Variants in ANXA10 observed in about 807,000 individuals in gnomAD.
ANXA10 encodes annexin 14.
In ANXA10, 49 loss-of-function variants were observed where a neutral mutation model predicts 53.5. The observed-to-expected ratio is 0.92, with a 90% CI of 0.73 to 1.16. The LOEUF (loss-of-function observed/expected upper bound fraction) is 1.16, where lower values mean the gene tolerates loss of function less well. Ranked by LOEUF, ANXA10 falls within the 50% of genes most tolerant of loss-of-function variation. The pLI, the probability that ANXA10 is intolerant of heterozygous loss-of-function variation, is 0.00. For missense variants in ANXA10, 393 were observed against 394.4 expected (o/e 1.00, Z 0.03); for synonymous variants, 131 against 128.9 (o/e 1.02, Z -0.11).
intron 1 of ANXA10, among the ~76,000 whole-genome samples, chr4:168,099,492 T>C (rs1486430613): frequency 6.6e-6 from 1 of 152,058 alleles, no homozygotes; most frequent in Non-Finnish European, 1.5e-5. Flanking sequence ...CCCTTCACAG[T>C]AGAAAAGGGT....
rs1232663755 is a variant in ANXA10 at position 168,181,720 on chromosome 4, T to C, written c.762T>C (p.Tyr254=). The change falls in exon 10 of 12, where the codon TAT becomes TAC. Residue 254 remains tyrosine, a synonymous_variant. Coordinates refer to ENST00000359299, the MANE Select transcript of ANXA10 (RefSeq NM_007193.5). The part of the protein sequence containing the change: ...CVRDKPAYFA[Y]RLYSAIHDFG... ...GAGACAAACCAGCCTATTTTGCTTA[T>C]AGATTATATAGTGCAATTCATGTAA... The C allele has an allele frequency of 7.5e-6, 12 of 1,600,008 alleles. No individual in the cohort carries two copies. Among genetic ancestry groups the C allele is most frequent in the Admixed American group, 1.7e-5 (1 of 59,970 alleles).
At chr4:168,180,343 T>C (rs1732216773) in intron 9 of ANXA10, among the ~76,000 whole-genome samples, 1 of 152,210 alleles carries the variant, frequency 6.6e-6, no homozygotes, top group Admixed American at 6.5e-5. Context: ...CCTCCAAGCC[T>C]ATCAGCTGAT....
chr4:168,117,235 C>A (rs1730908491), intron 1 of ANXA10, among the ~76,000 whole-genome samples: 2 of 152,010 alleles, frequency 1.3e-5, no homozygotes, highest in African/African-American at 4.8e-5. Context: ...AGAAAAAAAT[C>A]CTGTCTCAAA....
rs1730558006 is a variant in ANXA10 at position 168,096,926 on chromosome 4, A to ATATGTGTATATATATATATATATATATG, written c.18+4213_18+4214insGTATATATATATATATATATATGTATGT. 3.8e-5 allele frequency among the ~76,000 whole-genome samples: 5 copies of ATATGTGTATATATATATATATATATATG among 129,904 alleles called. No homozygotes were observed. The East Asian group carries it at 1.0e-3, about 27-fold the overall frequency. 85.2% of individuals were successfully genotyped at this position (129,904 alleles called of 152,430 possible). On this transcript the variant is annotated intron_variant, in intron 1 of 11. Transcript: ENST00000359299. Reference sequence around the variant, plus strand: ...AATACAAATGCATATATATATATATATATGTATGTATATGTATATACAATA... The same window carrying ATATGTGTATATATATATATATATATATG: ...AATACAAATGCATATATATATATATATATGTGTATATATATATATATATATATGTATGTATGTATATGTATATACAATA...
At chr4:168,126,883 T>TTA in intron 1 of ANXA10, among the ~76,000 whole-genome samples, 1 of 152,190 alleles carries the variant, frequency 6.6e-6, no homozygotes, top group Non-Finnish European at 1.5e-5. Flanking sequence ...GAATCCAAAC[T>TTA]GAATTCAATT....
At chr4:168,151,307 A>C (rs1242809336) in intron 3 of ANXA10, among the ~76,000 whole-genome samples, 1 of 152,226 alleles carries the variant, frequency 6.6e-6, no homozygotes, top group Non-Finnish European at 1.5e-5. Flanking sequence ...GAGCATATTC[A>C]GACAAGAAAG....
At chr4:168,169,079 T>A in intron 6 of ANXA10, among the ~76,000 whole-genome samples, 1 of 152,212 alleles carries the variant, frequency 6.6e-6, no homozygotes, top group Non-Finnish European at 1.5e-5. Context: ...AACTGAAGCG[T>A]CTGGTAAAAT....
At chr4:168,171,411 T>C (rs1019764148) in intron 6 of ANXA10, among the ~76,000 whole-genome samples, 4 of 152,150 alleles carry the variant, frequency 2.6e-5, no homozygotes, top group African/African-American at 9.6e-5. Context: ...AATTCTTTGG[T>C]TGTTATAATC....
intron 3 of ANXA10, among the ~76,000 whole-genome samples, chr4:168,141,192 C>T (rs2149472411): frequency 6.6e-6 from 1 of 152,290 alleles, no homozygotes; most frequent in Admixed American, 6.5e-5. Flanking sequence ...ATAATTCATA[C>T]CTCCTGGAAA....
intron 1 of ANXA10, among the ~76,000 whole-genome samples, chr4:168,116,727 G>A: frequency 6.6e-6 from 1 of 152,070 alleles, no homozygotes; most frequent in East Asian, 1.9e-4. Flanking sequence ...TGGAATAAAG[G>A]TAGTATTATA....
At chr4:168,171,978 G>T (rs1227149178) in intron 6 of ANXA10, among the ~76,000 whole-genome samples, 1 of 152,186 alleles carries the variant, frequency 6.6e-6, no homozygotes, top group Non-Finnish European at 1.5e-5. Context: ...CTCTGGGAGT[G>T]TTATGGCCAA....
intron 3 of ANXA10, among the ~76,000 whole-genome samples, chr4:168,147,420 G>C (rs1252937123): frequency 6.6e-6 from 1 of 152,176 alleles, no homozygotes; most frequent in Non-Finnish European, 1.5e-5. Context: ...GCTTTCCCTT[G>C]CCAGAGGCTC....
chr4:168,097,109 A>G (rs545548678), intron 1 of ANXA10, among the ~76,000 whole-genome samples: 2 of 152,014 alleles, frequency 1.3e-5, no homozygotes, highest in South Asian at 2.1e-4. Context: ...AAAAAATTTC[A>G]TAAACCCACT....
intron 10 of ANXA10, among the ~76,000 whole-genome samples, chr4:168,182,568 C>G (rs1320065058): frequency 6.7e-6 from 1 of 148,592 alleles, no homozygotes; most frequent in African/African-American, 2.5e-5. Flanking sequence ...TTCCTGACTT[C>G]GTGATCCGCC....
At chr4:168,123,615 T>C (rs1731024397) in intron 1 of ANXA10, among the ~76,000 whole-genome samples, 1 of 152,240 alleles carries the variant, frequency 6.6e-6, no homozygotes, top group Middle Eastern at 3.4e-3. Flanking sequence ...CTCATTACAA[T>C]TGAGTGATGC....
chr4:168,150,677 C>A (rs1240946369), intron 3 of ANXA10, among the ~76,000 whole-genome samples: 1 of 152,142 alleles, frequency 6.6e-6, no homozygotes, highest in Non-Finnish European at 1.5e-5. Flanking sequence ...AGCTTCATAC[C>A]TCTCCACAGG....
At chr4:168,099,199 C>A (rs1196949655) in intron 1 of ANXA10, among the ~76,000 whole-genome samples, 1 of 151,846 alleles carries the variant, frequency 6.6e-6, no homozygotes. Context: ...TTGTTGTTGC[C>A]CTTAGTACAG....
intron 10 of ANXA10, among the ~76,000 whole-genome samples, chr4:168,183,828 T>A (rs492883): frequency 0.25 from 37,683 of 152,074 alleles, 5,032 homozygotes; most frequent in African/African-American, 0.31. Context: ...CCACCTCAAA[T>A]TATGAAAAGT....
rs1197505146 is a variant in ANXA10 at position 168,156,013 on chromosome 4, A to T, written c.196-6515A>T. The stretch of plus-strand genomic sequence containing the variant: ...TTATACATAATTTATATTATATGTT[A>T]TATATAATATATTATATATAGTATT... On this transcript the variant is annotated intron_variant, in intron 3 of 11. Coordinates refer to ENST00000359299, the MANE Select transcript of ANXA10 (RefSeq NM_007193.5). Among the ~76,000 whole-genome samples, 11 of 37,184 alleles carry T rather than the reference A, an allele frequency of 3.0e-4. 1 individual carries two copies. Among genetic ancestry groups the T allele is most frequent in the African/African-American group, 1.4e-3 (11 of 7,842 alleles). 24.4% of individuals were successfully genotyped at this position (37,184 alleles called of 152,430 possible). A position where few individuals can be genotyped will look rare whatever the true frequency, so the allele number is the denominator to read the frequency against.
Sources: gnomAD v4.1 joint callset for allele counts (sites outside exome capture counted in the v4.1 genomes callset) on GRCh38, gnomAD v4.1.1 for gene constraint, MANE v1.5 for transcripts, NCBI Gene and HGNC (gene_info 2026-07-23, HGNC 2026-07-21) for gene names.